Variants in DOCK1 observed in about 807,000 individuals in gnomAD.
DOCK1 encodes dedicator of cytokinesis protein 1.
A neutral mutation model predicts 262.7 loss-of-function variants in DOCK1; 138 were observed. That is an observed-to-expected ratio of 0.53 (90% confidence interval 0.46 to 0.61). DOCK1 has a LOEUF of 0.61. Ranked by LOEUF, DOCK1 falls within the 20% of genes least tolerant of loss-of-function variation. The probability of loss-of-function intolerance (pLI) is 0.00; values close to 1 mark genes in which losing one functional copy is unlikely to be tolerated. For synonymous variants in DOCK1, 866 were observed against 867.4 expected (o/e 1.00, Z 0.03); for missense variants, 1,908 against 2,370.7 (o/e 0.80, Z 4.05).
chr10:127,071,162 A>G (rs1591899349), intron 23 of DOCK1, among the ~76,000 whole-genome samples: 1 of 152,100 alleles, frequency 6.6e-6, no homozygotes, highest in Non-Finnish European at 1.5e-5. Flanking sequence ...AATGCTCCCC[A>G]TTTCACTATA....
At chr10:127,316,045 G>T (rs1240297847) in intron 29 of DOCK1, among the ~76,000 whole-genome samples, 1 of 152,120 alleles carries the variant, frequency 6.6e-6, no homozygotes, top group South Asian at 2.1e-4. Context: ...AAAAAAAAAG[G>T]TGTATATTTA....
intron 27 of DOCK1, among the ~76,000 whole-genome samples, chr10:127,207,430 A>C (rs2057774807): frequency 6.6e-6 from 1 of 152,068 alleles, no homozygotes; most frequent in Non-Finnish European, 1.5e-5. Flanking sequence ...AGCAAAAGAT[A>C]GGCATATTTT....
At chr10:127,192,265 A>G (rs1203489008) in intron 27 of DOCK1, among the ~76,000 whole-genome samples, 4 of 152,208 alleles carry the variant, frequency 2.6e-5, no homozygotes, top group African/African-American at 9.6e-5. Context: ...AATATTCACA[A>G]ATAATGACTT....
intron 27 of DOCK1, among the ~76,000 whole-genome samples, chr10:127,145,246 G>C (rs761557312): frequency 1.3e-5 from 2 of 152,140 alleles, no homozygotes; most frequent in African/African-American, 4.8e-5. Context: ...CCACCGAGGA[G>C]CAGAGGCAGA....
chr10:127,241,255 G>A (rs775770329), intron 27 of DOCK1, among the ~76,000 whole-genome samples: 1 of 152,194 alleles, frequency 6.6e-6, no homozygotes, highest in Non-Finnish European at 1.5e-5. Context: ...GGAAGCGGAG[G>A]TTGCAGTGAG....
chr10:127,411,022 G>A (rs776826237), intron 43 of DOCK1, 98 bp downstream of exon 43: 92 of 1,183,196 alleles, frequency 7.8e-5, no homozygotes, highest in Non-Finnish European at 9.8e-5. Flanking sequence ...AGGCAGCCAC[G>A]GAGCCATATT....
intron 31 of DOCK1, among the ~76,000 whole-genome samples, chr10:127,352,596 C>T (rs1444392987): frequency 1.3e-5 from 2 of 151,952 alleles, no homozygotes; most frequent in Non-Finnish European, 2.9e-5. Context: ...TAGCAGTGGC[C>T]AGTTTTTTTT....
chr10:127,297,254 G>T (rs2061533939), intron 29 of DOCK1, among the ~76,000 whole-genome samples: 1 of 152,194 alleles, frequency 6.6e-6, no homozygotes, highest in Non-Finnish European at 1.5e-5. Context: ...AGTCTGAGAT[G>T]CCTCCAGGGC....
chr10:127,015,166 TAAAAAG>T (rs1382075318), intron 12 of DOCK1: 5 of 145,264 alleles, frequency 3.4e-5, no homozygotes, highest in African/African-American at 1.3e-4. Context: ...TTTCATATCT[TAAAAAG>T]AAAGGAAAAA....
Position 126,999,360 on chromosome 10 carries a change from C to G in DOCK1, c.774C>G (p.Asn258Lys), listed in dbSNP as rs370347429. Residue 258 changes from asparagine (N) to lysine (K), a missense_variant, in exon 9 of 52, where the codon AAC (asparagine) becomes AAG (lysine). By Grantham distance (94) the Asn-to-Lys change is moderately conservative. Transcript: ENST00000623213. ...TATTTCTCCATTTTTCAAGTGAGAACTACCTGGTTCGCTGGTCCAGTTCAG... is the reference window on the plus strand; with the variant it reads ...TATTTCTCCATTTTTCAAGTGAGAAGTACCTGGTTCGCTGGTCCAGTTCAG... ...DPVESKFISE[N>K]YLVRWSSSGL... The G allele has an allele frequency of 6.8e-6, 11 of 1,612,812 alleles. No individual in the cohort carries two copies. In the African/African-American group the frequency reaches 1.3e-4, roughly 20 times the overall value.
chr10:127,408,379 TTCTGAA>T (rs1176657605), intron 40 of DOCK1, among the ~76,000 whole-genome samples: 3 of 152,176 alleles, frequency 2.0e-5, no homozygotes. Context: ...TGCACACACA[TTCTGAA>T]TGCAGGAAGG....
chr10:127,380,242 C>T (rs915013399), intron 36 of DOCK1, 120 bp downstream of exon 36: 29 of 816,424 alleles, frequency 3.6e-5, no homozygotes, highest in African/African-American at 1.8e-4. Flanking sequence ...AATTGTGAAA[C>T]GTATAAGGTA....
chr10:127,228,708 T>C lies in DOCK1; in HGVS notation c.2848-19300T>C, dbSNP rs115267016. On this transcript the variant is annotated intron_variant, in intron 27 of 51. Transcript: ENST00000623213. ...CCCTTTTCTGTCAAACGCAAAGCCA[T>C]GTGTTTTTGTTCCATGTGGAAAATC... Among the ~76,000 whole-genome samples the C allele has an allele frequency of 7.9e-3, 1,196 of 152,352 alleles. 6 individuals carry two copies. Among genetic ancestry groups the C allele is most frequent in the African/African-American group, 0.018 (737 of 41,588 alleles).
At chr10:127,399,170 G>A (rs905059335) in intron 38 of DOCK1, among the ~76,000 whole-genome samples, 1 of 152,154 alleles carries the variant, frequency 6.6e-6, no homozygotes, top group Admixed American at 6.5e-5. Context: ...TTGGATTAAG[G>A]ATTTCGCATC....
intron 38 of DOCK1, among the ~76,000 whole-genome samples, chr10:127,396,270 T>A (rs558052432): frequency 6.6e-6 from 1 of 152,304 alleles, no homozygotes; most frequent in Admixed American, 6.5e-5. Flanking sequence ...CTGGGCCAGG[T>A]CACAGCTGCA....
In DOCK1 at chr10:126,978,053, T is replaced by A. The variant is rs1281684772; in HGVS notation, c.171+65T>A. The A allele has an allele frequency of 3.4e-6, 5 of 1,465,676 alleles. No individual in the cohort carries two copies. In the African/African-American group the frequency reaches 6.9e-5, roughly 20 times the overall value. The allele number at this position is 1,465,676 out of a possible 1,614,324, so 90.8% of individuals were successfully genotyped here. ...AAATCACACCTTGAGAGGAAATCAA[T>A]TCCATCTCATTTGTGTCTGAGGGTT... On this transcript the variant is annotated intron_variant, in intron 3 of 51. Coordinates refer to ENST00000623213, the MANE Select transcript of DOCK1 (RefSeq NM_001290223.2).
chr10:127,296,099 G>A (rs754487073), intron 29 of DOCK1, among the ~76,000 whole-genome samples: 10 of 152,244 alleles, frequency 6.6e-5, no homozygotes, highest in African/African-American at 1.9e-4. Context: ...TGTACTTGCC[G>A]TATAATTTCT....
chr10:127,381,418 A>G, intron 37 of DOCK1, 50 bp downstream of exon 37: 1 of 1,538,082 alleles, frequency 6.5e-7, no homozygotes, highest in Non-Finnish European at 8.9e-7. Flanking sequence ...ATAAATTCTA[A>G]CAATATTCAG....
At chr10:126,976,918 A>G (rs2038587281) in intron 2 of DOCK1, among the ~76,000 whole-genome samples, 1 of 152,246 alleles carries the variant, frequency 6.6e-6, no homozygotes, top group South Asian at 2.1e-4. Context: ...ATTTTTTATT[A>G]GAGATGGGCT....
Sources: allele counts gnomAD v4.1 joint callset (sites outside exome capture counted in the v4.1 genomes callset), GRCh38; gene constraint gnomAD v4.1.1; transcripts MANE v1.5; gene names NCBI Gene and HGNC (gene_info 2026-07-23, HGNC 2026-07-21).